HIVEP3: variants seen among roughly 807,000 people sequenced by gnomAD.
The protein encoded by HIVEP3 is transcription factor HIVEP3.
A neutral mutation model predicts 152.8 loss-of-function variants in HIVEP3; 49 were observed. The ratio of observed to expected loss-of-function variants is 0.32; its 90% confidence interval spans 0.26 to 0.41. HIVEP3 has a LOEUF of 0.41. Ranked by LOEUF, HIVEP3 falls within the 10% of genes least tolerant of loss-of-function variation. The pLI is 1.00. For missense variants in HIVEP3, 2,790 were observed against 3,103.3 expected (o/e 0.90, Z 2.40); for synonymous variants, 1,269 against 1,289.0 (o/e 0.98, Z 0.33).
chr1:42,018,159 T>C (rs1188347450), intron 1 of HIVEP3, among the ~76,000 whole-genome samples: 1 of 151,964 alleles, frequency 6.6e-6, no homozygotes, highest in Non-Finnish European at 1.5e-5. Context: ...TTATTTATAG[T>C]ATCTTCTCCT....
chr1:41,638,286 A>AAAG (rs1645311290), intron 2 of HIVEP3, among the ~76,000 whole-genome samples: 6 of 67,900 alleles, frequency 8.8e-5, no homozygotes, highest in South Asian at 5.1e-4. Flanking sequence ...AAGAAAGAGG[A>AAAG]AGGAAGGAAG....
chr1:41,862,797 A>G (rs1374300711), intron 1 of HIVEP3, among the ~76,000 whole-genome samples: 1 of 152,196 alleles, frequency 6.6e-6, no homozygotes, highest in African/African-American at 2.4e-5. Context: ...TCAGATAAAG[A>G]TCCCTGAAAA....
intron 1 of HIVEP3, among the ~76,000 whole-genome samples, chr1:41,765,529 T>C (rs976332917): frequency 6.6e-6 from 1 of 152,228 alleles, no homozygotes; most frequent in Non-Finnish European, 1.5e-5. Context: ...AAGAATAGGA[T>C]GGTTCACCAT....
chr1:41,974,491 A>ACACACAC (rs1259905072), intron 1 of HIVEP3, among the ~76,000 whole-genome samples: 1 of 147,580 alleles, frequency 6.8e-6, no homozygotes, highest in Non-Finnish European at 1.5e-5. Flanking sequence ...CCCCCTACAC[A>ACACACAC]CACACACACA....
intron 5 of HIVEP3, among the ~76,000 whole-genome samples, chr1:41,559,790 T>A (rs1266853172): frequency 6.6e-6 from 1 of 152,258 alleles, no homozygotes; most frequent in Non-Finnish European, 1.5e-5. Flanking sequence ...GATTAAGTGA[T>A]TTCTGAGGAT....
At chr1:41,714,314 C>T (rs112865961) in intron 1 of HIVEP3, among the ~76,000 whole-genome samples, 104 of 152,088 alleles carry the variant, frequency 6.8e-4, no homozygotes, top group Admixed American at 5.9e-4. Flanking sequence ...AAGTGGAGGA[C>T]GGGAAGAAGA....
intron 3 of HIVEP3, among the ~76,000 whole-genome samples, chr1:41,586,820 T>C (rs994524409): frequency 6.6e-6 from 1 of 152,122 alleles, no homozygotes; most frequent in African/African-American, 2.4e-5. Flanking sequence ...TTCTACTTGG[T>C]GCTACAAAGA....
Position 41,581,898 on chromosome 1 carries a change from C to A in HIVEP3, c.2900G>T (p.Arg967Leu). 1.9e-6 allele frequency: 3 copies of A among 1,613,512 alleles called. No homozygotes were observed. The highest frequency in any genetic ancestry group is 1.1e-5 in the South Asian group (1 of 90,970). ...CATGTGGGTGCCCAGGGGTTTGGGG[C>A]GCATGTCAGATGAGGGACTGGGGGC... is the stretch of plus-strand genomic sequence containing the variant. ...AEAPSPSSDM[R>L]PKPLGTHMLT... The change falls in exon 4 of 9, where the codon CGC (arginine) becomes CTC (leucine). Residue 967 changes from arginine to leucine, a missense_variant. Around this residue, in one of 9 missense-constraint regions of HIVEP3, gnomAD observed 1,078 missense variants for 1,165.3 expected, o/e 0.93. Coordinates refer to ENST00000372583, the MANE Select transcript of HIVEP3 (RefSeq NM_024503.5). This position sits in a 1 kb window ranked among gnomAD's most constrained non-coding sequence, Gnocchi z 4.5.
chr1:41,794,930 T>C (rs376306886), intron 1 of HIVEP3, among the ~76,000 whole-genome samples: 17 of 152,302 alleles, frequency 1.1e-4, no homozygotes, highest in African/African-American at 3.8e-4. Context: ...AAACTAGAAA[T>C]TTATTTATTT....
At chr1:42,034,684 AG>A (rs1256376915) in intron 1 of HIVEP3, among the ~76,000 whole-genome samples, 1 of 152,176 alleles carries the variant, frequency 6.6e-6, no homozygotes, top group African/African-American at 2.4e-5. Context: ...GGAGAGAATG[AG>A]AAGAGCCAAG....
At chr1:41,770,312 C>T (rs768072646) in intron 1 of HIVEP3, among the ~76,000 whole-genome samples, 15 of 152,246 alleles carry the variant, frequency 9.9e-5, no homozygotes, top group Middle Eastern at 3.4e-3. Flanking sequence ...ATAGCCTCAA[C>T]GTATCTCCCC....
chr1:41,773,688 G>A (rs1648517145), intron 1 of HIVEP3, among the ~76,000 whole-genome samples: 1 of 152,196 alleles, frequency 6.6e-6, no homozygotes, highest in Non-Finnish European at 1.5e-5. Context: ...CTCCTCTGAT[G>A]TGCACAGATG....
intron 2 of HIVEP3, among the ~76,000 whole-genome samples, chr1:41,649,716 G>T (rs1007981774): frequency 6.6e-6 from 1 of 152,146 alleles, no homozygotes; most frequent in Admixed American, 6.5e-5. Context: ...TCAAATGCGG[G>T]GAGGGGTGCT....
intron 1 of HIVEP3, among the ~76,000 whole-genome samples, chr1:41,745,258 C>T (rs764704657): frequency 2.0e-5 from 3 of 152,160 alleles, no homozygotes; most frequent in Non-Finnish European, 4.4e-5. Context: ...GGTCACTGCC[C>T]CCACAGATCA....
chr1:41,920,887 G>A (rs1644937798), upstream of HIVEP3, among the ~76,000 whole-genome samples: 1 of 152,132 alleles, frequency 6.6e-6, no homozygotes, highest in African/African-American at 2.4e-5. Flanking sequence ...TCTTCAGCAG[G>A]CTTAGTGTGA....
At chr1:42,015,060 GA>G (rs1422540141) in intron 1 of HIVEP3, among the ~76,000 whole-genome samples, 1 of 152,190 alleles carries the variant, frequency 6.6e-6, no homozygotes, top group Non-Finnish European at 1.5e-5. Context: ...CAAAGCCAGG[GA>G]GAAAGTGAGA....
chr1:41,719,114 C>T (rs1309472721), intron 1 of HIVEP3, among the ~76,000 whole-genome samples: 1 of 152,208 alleles, frequency 6.6e-6, no homozygotes, highest in African/African-American at 2.4e-5. Context: ...CAGCTAAAGA[C>T]AAGAGCTGCA....
At chr1:41,953,391 A>C (rs1253494258) in intron 1 of HIVEP3, among the ~76,000 whole-genome samples, 2 of 152,200 alleles carry the variant, frequency 1.3e-5, no homozygotes, top group Non-Finnish European at 2.9e-5. Flanking sequence ...GTATAAGAGG[A>C]TAAAATGCTA....
chr1:41,517,811 A>C (rs114043917), intron 7 of HIVEP3, among the ~76,000 whole-genome samples: 1 of 152,112 alleles, frequency 6.6e-6, no homozygotes, highest in East Asian at 1.9e-4. Flanking sequence ...ATTGACCACC[A>C]TGGCCGGGGT....
Sources: allele counts gnomAD v4.1 joint callset (sites outside exome capture counted in the v4.1 genomes callset), GRCh38; gene constraint gnomAD v4.1.1; regional missense constraint gnomAD v4.1.1; non-coding constraint Gnocchi (gnomAD v3.1); transcripts MANE v1.5; gene names NCBI Gene and HGNC (gene_info 2026-07-23, HGNC 2026-07-21).